IMMP2L: variants seen among roughly 807,000 people sequenced by gnomAD.
IMMP2L encodes the protein mitochondrial inner membrane protease subunit 2.
In IMMP2L, 18 loss-of-function variants were observed where a neutral mutation model predicts 19.3. The observed-to-expected ratio is 0.93, with a 90% CI of 0.64 to 1.38. The LOEUF (loss-of-function observed/expected upper bound fraction) is 1.38. Ranked by LOEUF, IMMP2L falls within the 40% of genes most tolerant of loss-of-function variation. IMMP2L has a pLI of 0.00. For synonymous variants in IMMP2L, 76 were observed against 73.0 expected, an observed-to-expected ratio of 1.04 and a Z score of -0.21; for missense variants, 233 against 218.2, an observed-to-expected ratio of 1.07 and a Z score of -0.43.
intron 3 of IMMP2L, among the ~76,000 whole-genome samples, chr7:111,199,348 C>T (rs1219944058): frequency 1.3e-5 from 2 of 152,054 alleles, no homozygotes; most frequent in Non-Finnish European, 2.9e-5. Context: ...TTTCCTTTTG[C>T]ACCTTCACAC....
intron 3 of IMMP2L, among the ~76,000 whole-genome samples, chr7:111,209,211 C>A (rs1811040478): frequency 6.6e-6 from 1 of 152,106 alleles, no homozygotes; most frequent in East Asian, 1.9e-4. Context: ...TTCTGGCTAA[C>A]ACAGTGAAAC....
chr7:110,941,538 C>T (rs1017855257), intron 4 of IMMP2L, among the ~76,000 whole-genome samples: 1 of 152,208 alleles, frequency 6.6e-6, no homozygotes, highest in African/African-American at 2.4e-5. Flanking sequence ...CTTTATGCTT[C>T]ATAGTTCTAT....
intron 3 of IMMP2L, among the ~76,000 whole-genome samples, chr7:111,223,010 AT>A (rs545157886): frequency 6.6e-5 from 10 of 152,184 alleles, no homozygotes; most frequent in African/African-American, 2.4e-4. Context: ...AGAGTTACAT[AT>A]ATAAATATGA....
At chr7:110,918,817 A>C (rs929585990) in intron 4 of IMMP2L, among the ~76,000 whole-genome samples, 1 of 152,154 alleles carries the variant, frequency 6.6e-6, no homozygotes, top group Admixed American at 6.6e-5. Flanking sequence ...CATTAAAAAT[A>C]ATTTCTCTAA....
At chr7:111,468,204 T>C (rs10258236) in intron 3 of IMMP2L, among the ~76,000 whole-genome samples, 27,058 of 152,096 alleles carry the variant, frequency 0.18, 4,548 homozygotes, top group African/African-American at 0.44. Context: ...CAAGATAATC[T>C]GCTATATTAG....
intron 3 of IMMP2L, among the ~76,000 whole-genome samples, chr7:111,250,799 C>T (rs1205515915): frequency 1.3e-5 from 2 of 152,060 alleles, no homozygotes; most frequent in African/African-American, 4.8e-5. Context: ...ATTATAAAAA[C>T]CCTAGAAGAA....
intron 3 of IMMP2L, among the ~76,000 whole-genome samples, chr7:111,088,030 A>C (rs1191699191): frequency 2.6e-5 from 4 of 152,198 alleles, no homozygotes; most frequent in Admixed American, 1.3e-4. Context: ...TGATGCTCAG[A>C]GTCTCTAGGA....
intron 3 of IMMP2L, among the ~76,000 whole-genome samples, chr7:111,277,261 T>C (rs1348157690): frequency 6.8e-6 from 1 of 146,428 alleles, no homozygotes; most frequent in Non-Finnish European, 1.5e-5. Flanking sequence ...CTCTACAAGA[T>C]AAAAAAAAAA....
At chr7:111,478,281 T>A (rs187419996) in intron 3 of IMMP2L, among the ~76,000 whole-genome samples, 1 of 152,220 alleles carries the variant, frequency 6.6e-6, no homozygotes, top group Non-Finnish European at 1.5e-5. Flanking sequence ...ATTGAGTTCT[T>A]CATTTCAGTC....
chr7:111,501,420 C>T (rs935770990), intron 2 of IMMP2L, among the ~76,000 whole-genome samples: 4 of 152,170 alleles, frequency 2.6e-5, no homozygotes, highest in African/African-American at 9.7e-5. Flanking sequence ...TCCAGGAGAA[C>T]TTCCCCAGTC....
intron 3 of IMMP2L, among the ~76,000 whole-genome samples, chr7:111,056,812 G>A (rs891504638): frequency 1.3e-5 from 2 of 152,100 alleles, no homozygotes; most frequent in Admixed American, 1.3e-4. Context: ...TAATCATAAA[G>A]GTCTTCATCC....
chr7:110,953,572 T>C (rs1206585814), intron 4 of IMMP2L, among the ~76,000 whole-genome samples: 1 of 152,158 alleles, frequency 6.6e-6, no homozygotes, highest in Non-Finnish European at 1.5e-5. Flanking sequence ...CTATCATTGA[T>C]GGGCATTTAG....
At chr7:110,894,905 T>A (rs1811168551) in intron 4 of IMMP2L, among the ~76,000 whole-genome samples, 1 of 152,174 alleles carries the variant, frequency 6.6e-6, no homozygotes, top group African/African-American at 2.4e-5. Flanking sequence ...GTTATCCAAT[T>A]TTTCCAGTAC....
intron 3 of IMMP2L, among the ~76,000 whole-genome samples, chr7:111,434,301 G>C (rs536430640): frequency 6.6e-6 from 1 of 151,574 alleles, no homozygotes; most frequent in South Asian, 2.1e-4. Flanking sequence ...CTGGTCTTTG[G>C]ATTAGGCAAT....
At chr7:111,402,993 C>A (rs1413298258) in intron 3 of IMMP2L, among the ~76,000 whole-genome samples, 7 of 84,036 alleles carry the variant, frequency 8.3e-5, no homozygotes, top group Non-Finnish European at 1.4e-4. Context: ...CAGCCTTGAC[C>A]CCCCCCCCCC....
chr7:111,254,011 T>C (rs1372694219), intron 3 of IMMP2L, among the ~76,000 whole-genome samples: 1 of 152,156 alleles, frequency 6.6e-6, no homozygotes, highest in African/African-American at 2.4e-5. Context: ...ATGGAAATTA[T>C]CTAACTCCAC....
At chr7:110,793,124 T>G (rs1800585006) in intron 5 of IMMP2L, among the ~76,000 whole-genome samples, 1 of 152,038 alleles carries the variant, frequency 6.6e-6, no homozygotes, top group East Asian at 1.9e-4. Flanking sequence ...AAATCACCCC[T>G]GAAGAACTTA....
chr7:110,897,983 A>G (rs1811491957), intron 4 of IMMP2L, among the ~76,000 whole-genome samples: 1 of 151,950 alleles, frequency 6.6e-6, no homozygotes, highest in African/African-American at 2.4e-5. Context: ...AAAGAACTCA[A>G]TAAGAATAAA....
intron 3 of IMMP2L, among the ~76,000 whole-genome samples, chr7:111,446,632 C>A (rs1838466715): frequency 6.6e-6 from 1 of 152,140 alleles, no homozygotes; most frequent in Non-Finnish European, 1.5e-5. Flanking sequence ...AAACTGGAAA[C>A]TCTAAAACAC....
Sources: allele counts gnomAD v4.1 joint callset (sites outside exome capture counted in the v4.1 genomes callset), GRCh38; gene constraint gnomAD v4.1.1; transcripts MANE v1.5; gene names NCBI Gene and HGNC (gene_info 2026-07-23, HGNC 2026-07-21).